The following MARCHF1 variants were observed in gnomAD, a reference collection of about 807,000 sequenced individuals.
The protein encoded by MARCHF1 is E3 ubiquitin-protein ligase MARCHF1.
In MARCHF1, 40 loss-of-function variants were observed where a neutral mutation model predicts 54.2. That is an observed-to-expected ratio of 0.74 (90% CI 0.57 to 0.96). The LOEUF (loss-of-function observed/expected upper bound fraction) is 0.96. Ranked by LOEUF, MARCHF1 falls within the 40% of genes least tolerant of loss-of-function variation. The pLI is 0.00. For synonymous variants in MARCHF1, 236 were observed against 236.3 expected (o/e 1.00, Z 0.01); for missense variants, 586 against 656.5 (o/e 0.89, Z 1.17).
intron 1 of MARCHF1, among the ~76,000 whole-genome samples, chr4:164,172,869 T>G (rs1390085487): frequency 9.3e-5 from 14 of 151,342 alleles, no homozygotes; most frequent in Admixed American, 8.6e-4. Flanking sequence ...TAGTCCCAGC[T>G]ACTCAGGAGG....
chr4:163,900,004 T>A (rs1750903523), intron 3 of MARCHF1, among the ~76,000 whole-genome samples: 1 of 152,158 alleles, frequency 6.6e-6, no homozygotes, highest in African/African-American at 2.4e-5. Context: ...CCTTTGTCTT[T>A]GCTAGAATGT....
At chr4:163,599,277 G>A (rs1456901845) in intron 7 of MARCHF1, among the ~76,000 whole-genome samples, 2 of 138,908 alleles carry the variant, frequency 1.4e-5, no homozygotes, top group African/African-American at 2.9e-5. Context: ...GCGACAGAGT[G>A]AGACTCCATC....
At chr4:163,726,061 T>G (rs1013081778) in intron 4 of MARCHF1, among the ~76,000 whole-genome samples, 1 of 152,158 alleles carries the variant, frequency 6.6e-6, no homozygotes, top group South Asian at 2.1e-4. Context: ...TCCCTACATA[T>G]ATACAGCCTC....
At chr4:163,720,571 A>T (rs1745417964) in intron 4 of MARCHF1, among the ~76,000 whole-genome samples, 1 of 152,180 alleles carries the variant, frequency 6.6e-6, no homozygotes. Flanking sequence ...GAAAAAAGTC[A>T]TTGGTAGCCT....
intron 2 of MARCHF1, among the ~76,000 whole-genome samples, chr4:164,021,209 C>A (rs1469843761): frequency 6.6e-6 from 1 of 151,616 alleles, no homozygotes; most frequent in Admixed American, 6.6e-5. Flanking sequence ...TAATTTATTT[C>A]CTGGGCTAAC....
intron 1 of MARCHF1, among the ~76,000 whole-genome samples, chr4:164,175,751 A>C (rs909639751): frequency 6.6e-6 from 1 of 152,182 alleles, no homozygotes; most frequent in Non-Finnish European, 1.5e-5. Flanking sequence ...CTCCTGCCAG[A>C]ACTTCCAGCC....
intron 3 of MARCHF1, among the ~76,000 whole-genome samples, chr4:163,941,679 T>G (rs1381806443): frequency 2.6e-5 from 4 of 152,128 alleles, no homozygotes; most frequent in Non-Finnish European, 4.4e-5. Context: ...CTCCATTTTC[T>G]GGTTTGTGCC....
chr4:163,692,977 A>T (rs1744510660), intron 5 of MARCHF1, among the ~76,000 whole-genome samples: 11 of 151,590 alleles, frequency 7.3e-5, no homozygotes, highest in Admixed American at 7.2e-4. Context: ...GATCAAAAGC[A>T]GTTTGTATTC....
At chr4:164,321,372 A>C (rs1199388931) in intron 1 of MARCHF1, among the ~76,000 whole-genome samples, 1 of 152,130 alleles carries the variant, frequency 6.6e-6, no homozygotes, top group Admixed American at 6.6e-5. Flanking sequence ...TTCTGTTGAG[A>C]CCTCCTATAG....
intron 3 of MARCHF1, among the ~76,000 whole-genome samples, chr4:163,903,567 CT>C (rs978917337): frequency 2.6e-5 from 4 of 151,856 alleles, no homozygotes; most frequent in South Asian, 2.1e-4. Flanking sequence ...TCTACATAAA[CT>C]TTTTTTTATT....
chr4:163,613,545 G>C, intron 5 of MARCHF1, 152 bp from the exon 6 acceptor site: 1 of 1,550,030 alleles, frequency 6.5e-7, no homozygotes, highest in African/African-American at 1.4e-5. Flanking sequence ...GAAGTTTGAG[G>C]TTGGTTTTGC....
Position 163,696,192 on chromosome 4 carries a change from A to C in MARCHF1, c.162+4621T>G, listed in dbSNP as rs531934292. 1.1e-3 allele frequency among the ~76,000 whole-genome samples: 171 copies of C among 152,180 alleles called. 1 individual carries two copies. The highest frequency in any genetic ancestry group is 2.1e-3 in the Non-Finnish European group (145 of 68,032). ...AAAGTAAATTTTGCAAGGACCATAA[A>C]ATTCAAAGTATAATTGCTGTTGAAT... is the stretch of plus-strand genomic sequence containing the variant. On this transcript the variant is annotated intron_variant, in intron 5 of 9. Coordinates refer to ENST00000514618, the MANE Select transcript of MARCHF1 (RefSeq NM_001394959.1).
chr4:164,369,013 T>C (rs1320886564), intron 1 of MARCHF1, among the ~76,000 whole-genome samples: 4 of 152,122 alleles, frequency 2.6e-5, no homozygotes, highest in Non-Finnish European at 5.9e-5. Context: ...GCCAGCAAAG[T>C]CTCACTCCTT....
intron 2 of MARCHF1, among the ~76,000 whole-genome samples, chr4:163,997,133 A>C (rs886524708): frequency 1.3e-5 from 2 of 152,028 alleles, no homozygotes; most frequent in Non-Finnish European, 1.5e-5. Context: ...GAGAAGACAG[A>C]GGATGATGCA....
At chr4:163,737,167 T>C (rs10003780) in intron 4 of MARCHF1, among the ~76,000 whole-genome samples, 44,054 of 90,298 alleles carry the variant, frequency 0.49, 14,437 homozygotes, top group Non-Finnish European at 0.65. Context: ...TTTCTTTCTT[T>C]TTTTTTTTTT....
intron 4 of MARCHF1, among the ~76,000 whole-genome samples, chr4:163,727,030 T>C (rs1296193352): frequency 6.6e-6 from 1 of 152,208 alleles, no homozygotes; most frequent in African/African-American, 2.4e-5. Context: ...TGTCTTCTCA[T>C]TATCTTGGCA....
In MARCHF1 at chr4:163,977,953, G is replaced by A. The variant is rs73872019; in HGVS notation, c.-39+10548C>T. On this transcript the variant is annotated intron_variant, in intron 3 of 9. Transcript: ENST00000514618. ...TCAGGAGCATTACTACCATAAAAGT[G>A]AACAAGTAAAAATAGTTACCAAAAT... Among the ~76,000 whole-genome samples the A allele has an allele frequency of 1.9e-3, 296 of 152,084 alleles. 1 individual carries two copies. Among genetic ancestry groups the A allele is most frequent in the African/African-American group, 7.0e-3 (289 of 41,492 alleles).
chr4:163,963,723 T>C (rs533732513), intron 3 of MARCHF1, among the ~76,000 whole-genome samples: 1 of 151,922 alleles, frequency 6.6e-6, no homozygotes, highest in African/African-American at 2.4e-5. Flanking sequence ...ATTCTTTTTC[T>C]CTCTCTGAAG....
chr4:164,025,728 T>C (rs1340446401), intron 2 of MARCHF1, among the ~76,000 whole-genome samples: 2 of 147,672 alleles, frequency 1.4e-5, no homozygotes, highest in Non-Finnish European at 3.0e-5. Context: ...GAACTAAAAT[T>C]AGAGAGGAAC....
Sources: gnomAD v4.1 joint callset for allele counts (sites outside exome capture counted in the v4.1 genomes callset) on GRCh38, gnomAD v4.1.1 for gene constraint, MANE v1.5 for transcripts, NCBI Gene and HGNC (gene_info 2026-07-23, HGNC 2026-07-21) for gene names.